Variants in SLC24A2 observed in about 807,000 individuals in gnomAD.
SLC24A2 encodes sodium/potassium/calcium exchanger 2.
A neutral mutation model predicts 62.0 loss-of-function variants in SLC24A2; 36 were observed. The ratio of observed to expected loss-of-function variants is 0.58; its 90% CI spans 0.44 to 0.77. SLC24A2 has a LOEUF of 0.77. Among genes scored for constraint, SLC24A2 ranks in the 30% least tolerant of loss-of-function variants. The pLI is 0.00. For synonymous variants in SLC24A2, 358 were observed against 294.0 expected (o/e 1.22, Z -2.23); for missense variants, 846 against 817.9 (o/e 1.03, Z -0.42).
the SLC24A2 span, among the ~76,000 whole-genome samples, chr9:20,041,397 G>A: frequency 1.9e-4 from 29 of 152,302 alleles, no homozygotes; most frequent in South Asian, 1.2e-3. Context: ...TCTCTGTTCC[G>A]CCTGCTGTGG....
At chr9:20,265,748 TGA>T in the SLC24A2 span, among the ~76,000 whole-genome samples, 5,790 of 152,290 alleles carry the variant, frequency 0.038, 158 homozygotes, top group African/African-American at 0.063. Flanking sequence ...TGGCCGCCGG[TGA>T]GCCAGGTGGA....
chr9:19,721,245 A>G (rs1821017025), intron 2 of SLC24A2, among the ~76,000 whole-genome samples: 1 of 152,166 alleles, frequency 6.6e-6, no homozygotes, highest in African/African-American at 2.4e-5. Flanking sequence ...GGTTTATTTT[A>G]AAATGAAACA....
the SLC24A2 span, among the ~76,000 whole-genome samples, chr9:20,240,776 G>C: frequency 1.3e-5 from 2 of 152,126 alleles, no homozygotes; most frequent in Admixed American, 6.5e-5. Context: ...TCCAGGAAGA[G>C]GGCTTCTAAG....
chr9:19,569,169 T>C (rs991895996), intron 7 of SLC24A2, among the ~76,000 whole-genome samples: 3 of 152,198 alleles, frequency 2.0e-5, no homozygotes, highest in Non-Finnish European at 4.4e-5. Context: ...TTGAGGTCCA[T>C]ATGGTCTCTG....
At chr9:20,215,145 T>C in the SLC24A2 span, among the ~76,000 whole-genome samples, 3 of 152,206 alleles carry the variant, frequency 2.0e-5, no homozygotes, top group East Asian at 1.9e-4. Context: ...GCCTGGTTCA[T>C]AGATGGTGCC....
chr9:19,763,174 G>A (rs574532551), intron 2 of SLC24A2, among the ~76,000 whole-genome samples: 4 of 152,318 alleles, frequency 2.6e-5, no homozygotes, highest in Admixed American at 2.6e-4. Flanking sequence ...TTTGTATCCT[G>A]AGACTTTGCT....
At chr9:20,234,558 G>C in the SLC24A2 span, among the ~76,000 whole-genome samples, 5 of 152,188 alleles carry the variant, frequency 3.3e-5, no homozygotes, top group African/African-American at 1.2e-4. Flanking sequence ...TAGCTCTCGT[G>C]CCTTGGTTTT....
intron 8 of SLC24A2, among the ~76,000 whole-genome samples, chr9:19,541,257 G>A (rs371690860): frequency 2.0e-5 from 3 of 148,992 alleles, no homozygotes; most frequent in East Asian, 2.0e-4. Context: ...GAGGAACTGC[G>A]TTCCTTTGGA....
At chr9:19,579,425 G>T (rs1040412469) in intron 5 of SLC24A2, among the ~76,000 whole-genome samples, 1 of 152,120 alleles carries the variant, frequency 6.6e-6, no homozygotes, top group Non-Finnish European at 1.5e-5. Flanking sequence ...ACTTTTTGCA[G>T]AAGGCAATTC....
the SLC24A2 span, among the ~76,000 whole-genome samples, chr9:19,920,997 G>C: frequency 6.6e-6 from 1 of 150,380 alleles, no homozygotes; most frequent in African/African-American, 2.4e-5. Context: ...TCATAGGGTT[G>C]TTGTGAGGAT....
At chr9:19,679,362 G>A (rs1224441785) in intron 2 of SLC24A2, among the ~76,000 whole-genome samples, 1 of 152,140 alleles carries the variant, frequency 6.6e-6, no homozygotes, top group Non-Finnish European at 1.5e-5. Context: ...GGTTGTTGGA[G>A]GCCTGAATGA....
the SLC24A2 span, among the ~76,000 whole-genome samples, chr9:20,052,358 G>A: frequency 5.8e-4 from 88 of 152,278 alleles, 1 homozygote; most frequent in African/African-American, 1.9e-3. Flanking sequence ...CTCCTTTGGC[G>A]TTATGATCAG....
intron 2 of SLC24A2, among the ~76,000 whole-genome samples, chr9:19,741,125 T>C (rs571396256): frequency 1.3e-5 from 2 of 152,342 alleles, no homozygotes; most frequent in African/African-American, 4.8e-5. Flanking sequence ...TTTCTGCTGC[T>C]GCCATCAGCT....
chr9:20,174,968 G>T, the SLC24A2 span, among the ~76,000 whole-genome samples: 1 of 150,970 alleles, frequency 6.6e-6, no homozygotes, highest in South Asian at 2.1e-4. Flanking sequence ...CCATCAACCA[G>T]TGAGTGGATA....
chr9:19,561,864 A>T (rs993606319), intron 7 of SLC24A2, among the ~76,000 whole-genome samples: 1 of 152,214 alleles, frequency 6.6e-6, no homozygotes, highest in African/African-American at 2.4e-5. Flanking sequence ...CCCTAAACAC[A>T]ACATGAGAAG....
At chr9:19,534,920 T>G (rs1307794742) in intron 8 of SLC24A2, among the ~76,000 whole-genome samples, 1 of 152,202 alleles carries the variant, frequency 6.6e-6, no homozygotes, top group Non-Finnish European at 1.5e-5. Context: ...TCTAGATCCT[T>G]GAGGAATTGC....
intron 2 of SLC24A2, among the ~76,000 whole-genome samples, chr9:19,624,472 GA>G (rs533319674): frequency 5.3e-4 from 81 of 152,134 alleles, no homozygotes; most frequent in Admixed American, 1.0e-3. Flanking sequence ...CTGAAAAGAA[GA>G]AAAAAATATC....
the SLC24A2 span, among the ~76,000 whole-genome samples, chr9:19,809,852 T>G: frequency 6.6e-6 from 1 of 152,092 alleles, no homozygotes; most frequent in African/African-American, 2.4e-5. Flanking sequence ...GGAAGTTCCC[T>G]CTCTCTATAG....
At chr9:20,275,111 T>A in the SLC24A2 span, among the ~76,000 whole-genome samples, 1 of 152,094 alleles carries the variant, frequency 6.6e-6, no homozygotes, top group Non-Finnish European at 1.5e-5. Flanking sequence ...ATTCCCCTTC[T>A]GGCATCTGAA....
Sources: gnomAD v4.1 joint callset for allele counts (sites outside exome capture counted in the v4.1 genomes callset) on GRCh38, gnomAD v4.1.1 for gene constraint, MANE v1.5 for transcripts, NCBI Gene and HGNC (gene_info 2026-07-23, HGNC 2026-07-21) for gene names.